The following LPAR3 variants were observed in gnomAD, a reference collection of about 807,000 sequenced individuals.
LPAR3 encodes the protein lysophosphatidic acid receptor 3, also known as LPA receptor 3.
In LPAR3, 7 loss-of-function variants were observed where a neutral mutation model predicts 17.8. The ratio of observed to expected loss-of-function variants is 0.39; its 90% CI spans 0.22 to 0.74. The LOEUF (loss-of-function observed/expected upper bound fraction) is 0.74, where lower values mean the gene tolerates loss of function less well. Among genes scored for constraint, LPAR3 ranks in the 30% least tolerant of loss-of-function variants. The probability of loss-of-function intolerance (pLI) is 0.40; values close to 1 mark genes in which losing one functional copy is unlikely to be tolerated. For missense variants in LPAR3, 391 were observed against 453.4 expected, an observed-to-expected ratio of 0.86 and a Z score of 1.25; for synonymous variants, 179 against 179.9, an observed-to-expected ratio of 0.99 and a Z score of 0.04.
At chr1:84,882,693 C>A (rs957912347) in intron 1 of LPAR3, among the ~76,000 whole-genome samples, 1 of 152,152 alleles carries the variant, frequency 6.6e-6, no homozygotes, top group Non-Finnish European at 1.5e-5. Context: ...ACATAATCAA[C>A]GGATCTTTGA....
chr1:84,879,830 A>C (rs1660330916), intron 1 of LPAR3, among the ~76,000 whole-genome samples: 1 of 152,188 alleles, frequency 6.6e-6, no homozygotes, highest in Admixed American at 6.5e-5. Context: ...CCCTACCTGT[A>C]AGTTGGAACA....
At chr1:84,876,269 G>A (rs901953078) in intron 1 of LPAR3, among the ~76,000 whole-genome samples, 1 of 152,032 alleles carries the variant, frequency 6.6e-6, no homozygotes, top group Non-Finnish European at 1.5e-5. Context: ...TGAATATAAC[G>A]CACATTTGAA....
chr1:84,868,149 G>A (rs568578149), intron 1 of LPAR3, among the ~76,000 whole-genome samples: 6 of 151,946 alleles, frequency 3.9e-5, no homozygotes, highest in South Asian at 2.1e-4. Flanking sequence ...TTGCTCTGTC[G>A]CCCAGGCTGG....
At chr1:84,825,421 G>GT (rs1659137052) in intron 2 of LPAR3, among the ~76,000 whole-genome samples, 1 of 152,178 alleles carries the variant, frequency 6.6e-6, no homozygotes, top group Non-Finnish European at 1.5e-5. Context: ...TTCCAGGCAA[G>GT]ATATACCCAA....
intron 1 of LPAR3, among the ~76,000 whole-genome samples, chr1:84,886,327 C>T (rs1557611077): frequency 6.6e-6 from 1 of 152,074 alleles, no homozygotes; most frequent in Non-Finnish European, 1.5e-5. Context: ...GAGTTGGAGG[C>T]CAGCCTGGGC....
chr1:84,885,390 G>GA (rs1660441243), intron 1 of LPAR3, among the ~76,000 whole-genome samples: 1 of 152,216 alleles, frequency 6.6e-6, no homozygotes, highest in Admixed American at 6.5e-5. Flanking sequence ...GTGTTGGCAA[G>GA]AATGTGGGGA....
chr1:84,814,275 G>A (rs553554171), intron 2 of LPAR3, 104 bp from the exon 3 acceptor site: 2 of 914,786 alleles, frequency 2.2e-6, no homozygotes, highest in Non-Finnish European at 3.3e-6. Context: ...GGGCCCTCAT[G>A]ATTTGTTTTG....
intron 2 of LPAR3, among the ~76,000 whole-genome samples, chr1:84,830,001 G>C (rs1415462197): frequency 6.6e-6 from 1 of 152,152 alleles, no homozygotes; most frequent in Non-Finnish European, 1.5e-5. Flanking sequence ...ACCATACAGA[G>C]ATATTGTAGT....
chr1:84,882,789 C>T (rs1281893604), intron 1 of LPAR3, among the ~76,000 whole-genome samples: 3 of 152,118 alleles, frequency 2.0e-5, no homozygotes, highest in Non-Finnish European at 4.4e-5. Flanking sequence ...GCACGTTGTG[C>T]ACATGTACCC....
chr1:84,891,012 T>C (rs1409032542), intron 1 of LPAR3, among the ~76,000 whole-genome samples: 2 of 152,208 alleles, frequency 1.3e-5, no homozygotes, highest in African/African-American at 4.8e-5. Flanking sequence ...TGCTGTAGTT[T>C]CTTAAACAGA....
chr1:84,883,057 T>C (rs1660393328), intron 1 of LPAR3, among the ~76,000 whole-genome samples: 1 of 152,210 alleles, frequency 6.6e-6, no homozygotes, highest in Non-Finnish European at 1.5e-5. Flanking sequence ...ATTGTTATTA[T>C]CAGTGGGATC....
chr1:84,819,119 C>T lies in LPAR3; in HGVS notation c.737-4948G>A, dbSNP rs2102744507. 1.3e-5 allele frequency among the ~76,000 whole-genome samples: 2 copies of T among 152,322 alleles called. 1 individual carries two copies. Among genetic ancestry groups the T allele is most frequent in the Middle Eastern group, 6.8e-3 (2 of 294 alleles). On this transcript the variant is annotated intron_variant, in intron 2 of 2. Coordinates refer to ENST00000370611, the MANE Select transcript of LPAR3 (RefSeq NM_012152.3). ...CCGTCAGCATAAGGACCTTGGAACA[C>T]TCCCACCTGGATTTTTTGGAATTAT...
At position 84,865,779 on chromosome 1, in the gene LPAR3, A is replaced by C. The variant is rs41289037; in HGVS notation, c.342T>G (p.Thr114=). 0.012 allele frequency: 20,158 copies of C among 1,614,224 alleles called. 148 individuals are homozygous for C. The highest frequency in any genetic ancestry group is 0.015 in the Non-Finnish European group (17,797 of 1,180,040). Residue 114 remains threonine (T), a synonymous_variant, in exon 2 of 3, where the codon ACT becomes ACG. Transcript: ENST00000370611. The part of the protein sequence containing the change: ...LRQGLLDSSL[T]ASLTNLLVIA... The stretch of plus-strand genomic sequence containing the variant: ...TAACCAGCAAGTTGGTGAGGGAAGC[A>C]GTCAAGCTACTGTCCAGAAGCCCCT...
chr1:84,838,411 A>G (rs1001403181), intron 2 of LPAR3, among the ~76,000 whole-genome samples: 2 of 152,206 alleles, frequency 1.3e-5, no homozygotes, highest in African/African-American at 4.8e-5. Flanking sequence ...TTTGAGTTAC[A>G]GTGAACAGTA....
chr1:84,854,262 G>T (rs1659774795), intron 2 of LPAR3, among the ~76,000 whole-genome samples: 1 of 151,944 alleles, frequency 6.6e-6, no homozygotes, highest in Non-Finnish European at 1.5e-5. Flanking sequence ...CCTCCTATCT[G>T]CAATGCCTTC....
At chr1:84,880,831 C>A (rs1660351644) in intron 1 of LPAR3, among the ~76,000 whole-genome samples, 1 of 152,210 alleles carries the variant, frequency 6.6e-6, no homozygotes, top group South Asian at 2.1e-4. Context: ...ACAGAGGGTA[C>A]AGAAGAAGGA....
rs535873567 is a variant in LPAR3 at position 84,859,485 on chromosome 1, A to G, written c.736+5900T>C. ...TCAGTGCTTTCTGGCAGAAAAATAA[A>G]CCTTGACCCTCAAGATCATGGTTTT... On this transcript the variant is annotated intron_variant, in intron 2 of 2. Coordinates refer to ENST00000370611, the MANE Select transcript of LPAR3 (RefSeq NM_012152.3). Among the ~76,000 whole-genome samples, 58 of 152,298 alleles carry G rather than the reference A, an allele frequency of 3.8e-4. 1 individual carries two copies. The South Asian group carries it at 8.5e-3, about 22-fold the overall frequency.
At chr1:84,860,734 A>ATTTTTTTT (rs35354113) in intron 2 of LPAR3, among the ~76,000 whole-genome samples, 1 of 113,548 alleles carries the variant, frequency 8.8e-6, no homozygotes, top group Non-Finnish European at 1.8e-5. Flanking sequence ...TTAGGATTTA[A>ATTTTTTTT]TTTTTTTTTT....
rs140353154 is a variant in LPAR3 at position 84,874,978 on chromosome 1, C to T, written c.-18-8840G>A. Among the ~76,000 whole-genome samples the T allele has an allele frequency of 2.3e-3, 347 of 151,032 alleles. 1 individual carries two copies. The highest frequency in any genetic ancestry group is 4.0e-3 in the Non-Finnish European group (275 of 67,926). On this transcript the variant is annotated intron_variant, in intron 1 of 2. Transcript: ENST00000370611. The stretch of plus-strand genomic sequence containing the variant: ...GCAGTGGTACGATCTTGGCTCACTG[C>T]AACCTCCACCTTCCTGGTTCAAGCG...
Sources: allele counts gnomAD v4.1 joint callset (sites outside exome capture counted in the v4.1 genomes callset), GRCh38; gene constraint gnomAD v4.1.1; transcripts MANE v1.5; gene names NCBI Gene and HGNC (gene_info 2026-07-23, HGNC 2026-07-21).